NAALADL2: variants seen among roughly 807,000 people sequenced by gnomAD.
NAALADL2 encodes the protein inactive N-acetylated-alpha-linked acidic dipeptidase-like protein 2.
Under a neutral mutation model 87.2 loss-of-function variants are expected in NAALADL2, and 76 were observed. The observed-to-expected ratio is 0.87, with a 90% CI of 0.72 to 1.05. The LOEUF (loss-of-function observed/expected upper bound fraction) is 1.05, where lower values mean the gene tolerates loss of function less well. Among genes scored for constraint, NAALADL2 ranks in the 50% least tolerant of loss-of-function variants. The pLI is 0.00. For synonymous variants in NAALADL2, 354 were observed against 331.0 expected (o/e 1.07, Z -0.75); for missense variants, 1,089 against 945.8 (o/e 1.15, Z -1.99).
chr3:175,185,775 G>A (rs1186291817), intron 2 of NAALADL2, among the ~76,000 whole-genome samples: 2 of 150,282 alleles, frequency 1.3e-5, no homozygotes, highest in Non-Finnish European at 3.0e-5. Flanking sequence ...TAAGCCTTTT[G>A]TATATCTAAA....
At chr3:174,634,537 C>A (rs1722444560) in intron 2 of NAALADL2, among the ~76,000 whole-genome samples, 1 of 152,016 alleles carries the variant, frequency 6.6e-6, no homozygotes, top group Admixed American at 6.6e-5. Context: ...CTCTCAAATA[C>A]ACTTATTTAC....
At chr3:175,009,679 T>G (rs988310591) in intron 1 of NAALADL2, among the ~76,000 whole-genome samples, 1 of 151,526 alleles carries the variant, frequency 6.6e-6, no homozygotes, top group Admixed American at 6.6e-5. Context: ...TGATTAAGTT[T>G]CCTTGCTTCT....
intron 4 of NAALADL2, among the ~76,000 whole-genome samples, chr3:175,280,441 C>A (rs565272296): frequency 1.3e-5 from 2 of 152,168 alleles, no homozygotes; most frequent in Non-Finnish European, 2.9e-5. Flanking sequence ...TTGTGATTAA[C>A]CTCCTCAACT....
Position 175,804,505 on chromosome 3 carries a change from T to TTATC in NAALADL2, c.*1304_*1307dup, listed in dbSNP as rs1324966008. ...TTAGGTGTCAGGTTAAAGTTCTAAT[T>TTATC]TATCTTTAGAAATTTATGTGAAAAA... On this transcript the variant is annotated 3_prime_UTR_variant, in exon 14 of 14. Coordinates refer to ENST00000454872, the MANE Select transcript of NAALADL2 (RefSeq NM_207015.3). The TTATC allele has an allele frequency of 6.6e-6, 1 of 151,820 alleles. No individual in the cohort carries two copies. The highest frequency in any genetic ancestry group is 6.6e-5 in the Admixed American group (1 of 15,196). The allele number at this position is 151,820 out of a possible 1,614,324, so 9.4% of individuals were successfully genotyped here.
intron 11 of NAALADL2, among the ~76,000 whole-genome samples, chr3:175,654,925 A>T (rs1731246799): frequency 6.6e-6 from 1 of 150,758 alleles, no homozygotes; most frequent in African/African-American, 2.5e-5. Context: ...AGAAAAGTGC[A>T]AGATATCTTT....
At chr3:174,827,618 A>G (rs1364124562) in intron 3 of NAALADL2, among the ~76,000 whole-genome samples, 1 of 152,184 alleles carries the variant, frequency 6.6e-6, no homozygotes, top group African/African-American at 2.4e-5. Context: ...TTAATTGCAT[A>G]TGCAACTTTA....
chr3:175,306,021 A>G (rs1757680236), intron 4 of NAALADL2, among the ~76,000 whole-genome samples: 1 of 152,060 alleles, frequency 6.6e-6, no homozygotes, highest in African/African-American at 2.4e-5. Context: ...TTTATATCCA[A>G]TTCAAACATC....
At chr3:174,959,557 A>C (rs371465179) in intron 1 of NAALADL2, among the ~76,000 whole-genome samples, 4 of 151,972 alleles carry the variant, frequency 2.6e-5, no homozygotes, top group South Asian at 2.1e-4. Flanking sequence ...AAAGATTCTA[A>C]AGTATGCACA....
chr3:175,234,174 T>C lies in NAALADL2; in HGVS notation c.789T>C (p.Tyr263=), dbSNP rs1745445416. 1 of 1,613,856 alleles carries C rather than the reference T, an allele frequency of 6.2e-7. No homozygotes were observed. The highest frequency in any genetic ancestry group is 8.5e-7 in the Non-Finnish European group (1 of 1,179,790). ...GCAGCCAAGACCTGCTCTATTCATA[T>C]GCAGCCTATTCTGCCAAAGGAACTC... ...KDSSQDLLYS[Y]AAYSAKGTLK... is the part of the protein sequence containing the mutation. Residue 263 remains tyrosine, a synonymous_variant, in exon 3 of 14, where the codon TAT becomes TAC. Transcript: ENST00000454872.
rs1744618085 is a variant in NAALADL2 at position 175,737,248 on chromosome 3, C to G, written c.1897-58C>G. On this transcript the variant is annotated intron_variant, in intron 11 of 13. Transcript: ENST00000454872. Reference sequence around the variant, plus strand: ...AATATCTGAAATAATGAAAAACAAACAAATGAAAACTCCTAATTACTGAAT... The same window carrying G: ...AATATCTGAAATAATGAAAAACAAAGAAATGAAAACTCCTAATTACTGAAT... 10 of 1,000,592 alleles carry G rather than the reference C, an allele frequency of 1.0e-5. No individual in the cohort carries two copies. The Admixed American group carries it at 1.8e-4, about 18-fold the overall frequency. The allele number at this position is 1,000,592 out of a possible 1,614,324, so 62.0% of individuals were successfully genotyped here.
At chr3:175,697,048 G>A (rs77606397) in intron 11 of NAALADL2, among the ~76,000 whole-genome samples, 6,006 of 152,110 alleles carry the variant, frequency 0.039, 388 homozygotes, top group African/African-American at 0.14. Flanking sequence ...CATGAGTTTG[G>A]AGGAGGCATT....
intron 11 of NAALADL2, among the ~76,000 whole-genome samples, chr3:175,725,397 G>A (rs982338803): frequency 2.0e-5 from 3 of 152,018 alleles, no homozygotes; most frequent in African/African-American, 7.2e-5. Context: ...TTAGAGAATT[G>A]TTTTACTTCA....
chr3:175,493,746 A>C (rs1387906630), intron 9 of NAALADL2, among the ~76,000 whole-genome samples: 3 of 152,134 alleles, frequency 2.0e-5, no homozygotes, highest in Non-Finnish European at 4.4e-5. Flanking sequence ...TGTTTTTTCA[A>C]TCTGCTAGTA....
At chr3:175,321,422 T>G (rs71312323) in intron 4 of NAALADL2, among the ~76,000 whole-genome samples, 830 of 93,992 alleles carry the variant, frequency 8.8e-3, no homozygotes, top group Middle Eastern at 0.026. Flanking sequence ...TTTGAAAACT[T>G]GCACAAGACA....
intron 1 of NAALADL2, among the ~76,000 whole-genome samples, chr3:174,509,547 T>C (rs1480120286): frequency 7.0e-6 from 1 of 143,224 alleles, no homozygotes; most frequent in Admixed American, 7.1e-5. Flanking sequence ...GATTACAGGC[T>C]CCCGCCACCA....
chr3:175,146,804 T>C (rs1270545539), intron 2 of NAALADL2, among the ~76,000 whole-genome samples: 1 of 151,508 alleles, frequency 6.6e-6, no homozygotes, highest in African/African-American at 2.4e-5. Context: ...TTTTCTCTTT[T>C]TGAAAAAGGG....
intron 10 of NAALADL2, among the ~76,000 whole-genome samples, chr3:175,610,390 CCTGTAG>C (rs1331199729): frequency 6.6e-6 from 1 of 151,772 alleles, no homozygotes; most frequent in Non-Finnish European, 1.5e-5. Context: ...CAGATAATGA[CCTGTAG>C]CATAATAAAC....
intron 3 of NAALADL2, among the ~76,000 whole-genome samples, chr3:175,249,206 C>T (rs1170807836): frequency 1.3e-5 from 2 of 151,758 alleles, no homozygotes; most frequent in Non-Finnish European, 1.5e-5. Context: ...CTTTTTGTTT[C>T]TTGGCATTAT....
intron 1 of NAALADL2, among the ~76,000 whole-genome samples, chr3:175,017,539 T>G (rs1225017196): frequency 6.6e-6 from 1 of 152,072 alleles, no homozygotes; most frequent in South Asian, 2.1e-4. Context: ...CAGTGTGCCC[T>G]GGTTGATCCT....
Sources: allele counts gnomAD v4.1 joint callset (sites outside exome capture counted in the v4.1 genomes callset), GRCh38; gene constraint gnomAD v4.1.1; transcripts MANE v1.5; gene names NCBI Gene and HGNC (gene_info 2026-07-23, HGNC 2026-07-21).